Variants in KMT2C observed in about 807,000 individuals in gnomAD.
KMT2C encodes the protein lysine methyltransferase 2C.
In KMT2C, 88 loss-of-function variants were observed where a neutral mutation model predicts 507.9. The observed-to-expected ratio is 0.17, with a 90% confidence interval of 0.15 to 0.21. The LOEUF is 0.21. KMT2C is among the 10% of genes least tolerant of loss of function. The probability of loss-of-function intolerance (pLI) is 1.00; values close to 1 mark genes in which losing one functional copy is unlikely to be tolerated. For missense variants in KMT2C, 4,954 were observed against 5,957.8 expected (o/e 0.83, Z 5.55); for synonymous variants, 2,049 against 2,080.8 (o/e 0.98, Z 0.42).
In KMT2C at chr7:152,256,884, G is replaced by C. The variant is rs371772887; in HGVS notation, c.1300-4169C>G. On this transcript the variant is annotated intron_variant, in intron 9 of 58. Transcript: ENST00000262189. Reference sequence around the variant, plus strand: ...TCCTGTTAGCAAAGACGTAAGAAAAGTTCTCTCACACATCTCTGGTGGCAA... The same window carrying C: ...TCCTGTTAGCAAAGACGTAAGAAAACTTCTCTCACACATCTCTGGTGGCAA... 4.3e-4 allele frequency among the ~76,000 whole-genome samples: 65 copies of C among 152,266 alleles called. 1 individual carries two copies. The highest frequency in any genetic ancestry group is 1.5e-3 in the African/African-American group (63 of 41,560).
intron 52 of KMT2C, 40 bp from the exon 53 acceptor site, chr7:152,146,775 A>G: frequency 6.3e-7 from 1 of 1,580,774 alleles, no homozygotes; most frequent in Non-Finnish European, 8.7e-7. Context: ...AGGAAATAGG[A>G]TACAGTATAA....
At chr7:152,342,776 T>C (rs898762225) in intron 2 of KMT2C, among the ~76,000 whole-genome samples, 1 of 152,158 alleles carries the variant, frequency 6.6e-6, no homozygotes, top group Non-Finnish European at 1.5e-5. Flanking sequence ...CAGAAAAATA[T>C]CTTCTTGCTT....
At chr7:152,258,922 C>G (rs2095709119) in intron 9 of KMT2C, among the ~76,000 whole-genome samples, 1 of 151,986 alleles carries the variant, frequency 6.6e-6, no homozygotes, top group African/African-American at 2.4e-5. Context: ...TTATTAGATA[C>G]AAAGGAGGGG....
chr7:152,350,089 A>G (rs1215414115), intron 2 of KMT2C, among the ~76,000 whole-genome samples: 1 of 152,070 alleles, frequency 6.6e-6, no homozygotes, highest in Non-Finnish European at 1.5e-5. Flanking sequence ...TGTCTCTACT[A>G]AAAATACAAA....
At chr7:152,355,795 A>T (rs1044634587) in intron 2 of KMT2C, among the ~76,000 whole-genome samples, 1 of 152,146 alleles carries the variant, frequency 6.6e-6, no homozygotes, top group Non-Finnish European at 1.5e-5. Context: ...GGTGAAAAAT[A>T]AGTAGTAATC....
At position 152,163,494 on chromosome 7, in the gene KMT2C, T is replaced by C; in HGVS notation, c.10083A>G (p.Lys3361=). 2.5e-6 allele frequency: 4 copies of C among 1,613,890 alleles called. No individual in the cohort carries two copies. Among genetic ancestry groups the C allele is most frequent in the Non-Finnish European group, 3.4e-6 (4 of 1,179,838 alleles). The change falls in exon 43 of 59, where the codon AAA becomes AAG. Residue 3361 remains lysine (K), a synonymous_variant. Coordinates refer to ENST00000262189, the MANE Select transcript of KMT2C (RefSeq NM_170606.3). ...CTGTCCCTGGGGCTGGTGTACAAGT[T>C]TTTATTGGTAACTGGGCAATTGGGG... ...IQPPIAQLPI[K]TCTPAPGTVS... is the part of the protein sequence containing the mutation.
chr7:152,242,558 C>T (rs2095406413), intron 14 of KMT2C, among the ~76,000 whole-genome samples: 2 of 152,028 alleles, frequency 1.3e-5, no homozygotes, highest in African/African-American at 4.8e-5. Flanking sequence ...TGAATTTGAA[C>T]CCAAGAAAAA....
intron 1 of KMT2C, among the ~76,000 whole-genome samples, chr7:152,361,240 G>T (rs936782563): frequency 1.3e-5 from 2 of 152,084 alleles, no homozygotes; most frequent in African/African-American, 2.4e-5. Flanking sequence ...TGGACAAAAA[G>T]AAAGAACATC....
chr7:152,307,245 G>C, intron 6 of KMT2C, among the ~76,000 whole-genome samples: 1 of 128,340 alleles, frequency 7.8e-6, no homozygotes, highest in African/African-American at 3.8e-5. Context: ...AAGGAAGGAA[G>C]GAAGGACGGT....
At chr7:152,253,756 G>A (rs1345304439) in intron 9 of KMT2C, among the ~76,000 whole-genome samples, 1 of 151,992 alleles carries the variant, frequency 6.6e-6, no homozygotes, top group Non-Finnish European at 1.5e-5. Context: ...AAAATATATT[G>A]CTCCACATCA....
At chr7:152,236,479 T>C (rs2095277269) in intron 15 of KMT2C, among the ~76,000 whole-genome samples, 1 of 152,204 alleles carries the variant, frequency 6.6e-6, no homozygotes, top group African/African-American at 2.4e-5. Context: ...CCAAGGTCAC[T>C]TAGCTAGCAA....
chr7:152,172,237 T>C (rs532672645), intron 39 of KMT2C, among the ~76,000 whole-genome samples: 19 of 152,300 alleles, frequency 1.2e-4, no homozygotes, highest in African/African-American at 4.6e-4. Flanking sequence ...TAACTCAACA[T>C]ATCACACTAC....
chr7:152,373,768 TAG>T (rs2097308183), intron 1 of KMT2C, among the ~76,000 whole-genome samples: 1 of 152,134 alleles, frequency 6.6e-6, no homozygotes. Context: ...TCTACTGTAA[TAG>T]AAAGAGATAT....
intron 6 of KMT2C, among the ~76,000 whole-genome samples, chr7:152,297,047 A>AG (rs1563766837): frequency 7.3e-5 from 5 of 68,926 alleles, no homozygotes; most frequent in Admixed American, 1.6e-4. Context: ...GAAAGAAAGA[A>AG]AGAAAGACAG....
At chr7:152,393,749 G>A (rs576333203) in intron 1 of KMT2C, among the ~76,000 whole-genome samples, 68 of 152,198 alleles carry the variant, frequency 4.5e-4, no homozygotes, top group Admixed American at 6.5e-4. Context: ...AAAATTAGCC[G>A]GGCATGGTGG....
In KMT2C at chr7:152,162,483, C is replaced by A. The variant is rs566426468; in HGVS notation, c.11094G>T (p.Thr3698=). 3.7e-6 allele frequency: 6 copies of A among 1,614,108 alleles called. No homozygotes were observed. The African/African-American group carries it at 6.7e-5, about 18-fold the overall frequency. The change falls in exon 43 of 59, where the codon ACG becomes ACT. Residue 3698 remains threonine (T), a synonymous_variant. Coordinates refer to ENST00000262189, the MANE Select transcript of KMT2C (RefSeq NM_170606.3). Reference sequence around the variant, plus strand: ...GCTTGTCTACTTCTGAATTTGCATACGTCTGTTGATTTGGAGTTGCTTGTG... The same window carrying A: ...GCTTGTCTACTTCTGAATTTGCATAAGTCTGTTGATTTGGAGTTGCTTGTG... ...DFSQATPNQQ[T]YANSEVDKLS... is the part of the protein sequence containing the mutation.
rs1367054716 is a variant in KMT2C at position 152,158,888 on chromosome 7, G to A, written c.11645C>T (p.Thr3882Ile). Residue 3882 changes from threonine (T) to isoleucine (I), a missense_variant, in exon 44 of 59, where the codon ACT becomes ATT. Thr to Ile is a moderately conservative substitution (Grantham distance 89, BLOSUM62 -1). Coordinates refer to ENST00000262189, the MANE Select transcript of KMT2C (RefSeq NM_170606.3). The part of the protein sequence containing the change: ...EEEKQAMYSS[T>I]DTFTHLKQQN... ...CTGTTTCAAGTGGGTAAACGTGTCA[G>A]TGCTAGAGTACATAGCTTGTTTCTC... 1.9e-6 allele frequency: 3 copies of A among 1,614,142 alleles called. No homozygotes were observed. The highest frequency in any genetic ancestry group is 2.5e-6 in the Non-Finnish European group (3 of 1,179,972).
chr7:152,165,628 T>C (rs992727888), intron 42 of KMT2C, among the ~76,000 whole-genome samples: 1 of 152,206 alleles, frequency 6.6e-6, no homozygotes, highest in Non-Finnish European at 1.5e-5. Context: ...TGAGTCCAAA[T>C]CCCTAATCTA....
At chr7:152,139,152 AAAGC>A in intron 57 of KMT2C, 30 bp downstream of exon 57, 2 of 1,607,806 alleles carry the variant, frequency 1.2e-6, no homozygotes, top group Non-Finnish European at 1.7e-6. Context: ...CCCACAAGCA[AAAGC>A]ACTCCCCGTC....
Sources: gnomAD v4.1 joint callset for allele counts (sites outside exome capture counted in the v4.1 genomes callset) on GRCh38, gnomAD v4.1.1 for gene constraint, MANE v1.5 for transcripts, NCBI Gene and HGNC (gene_info 2026-07-23, HGNC 2026-07-21) for gene names.